MALRD1: variants seen among roughly 807,000 people sequenced by gnomAD.
The protein encoded by MALRD1 is MAM and LDL-receptor class A domain-containing protein 1.
A neutral mutation model predicts 242.1 loss-of-function variants in MALRD1; 247 were observed. The observed-to-expected ratio is 1.02, with a 90% CI of 0.92 to 1.13. The LOEUF (loss-of-function observed/expected upper bound fraction) is 1.13. Among genes scored for constraint, MALRD1 ranks in the 50% most tolerant of loss-of-function variants. The probability of loss-of-function intolerance (pLI) is 0.00; values close to 1 mark genes in which losing one functional copy is unlikely to be tolerated. For missense variants in MALRD1, 2,989 were observed against 2,533.1 expected, an observed-to-expected ratio of 1.18 and a Z score of -3.86; for synonymous variants, 995 against 866.6, an observed-to-expected ratio of 1.15 and a Z score of -2.60.
chr10:19,220,797 C>T (rs1394685764), intron 18 of MALRD1, among the ~76,000 whole-genome samples: 1 of 152,146 alleles, frequency 6.6e-6, no homozygotes, highest in Non-Finnish European at 1.5e-5. Flanking sequence ...GTATCAATGG[C>T]AGTCATAGAG....
At chr10:19,360,967 G>A (rs887879666) in intron 26 of MALRD1, among the ~76,000 whole-genome samples, 9 of 151,598 alleles carry the variant, frequency 5.9e-5, no homozygotes, top group Admixed American at 3.3e-4. Context: ...ATTATTACAC[G>A]AATTAACTAC....
chr10:19,645,491 G>A (rs563114023), intron 36 of MALRD1, among the ~76,000 whole-genome samples: 18 of 152,280 alleles, frequency 1.2e-4, no homozygotes, highest in South Asian at 6.2e-4. Context: ...ATGTCCAACA[G>A]TGATAGACTG....
chr10:19,300,721 A>C (rs902499397), intron 21 of MALRD1, among the ~76,000 whole-genome samples: 1 of 152,004 alleles, frequency 6.6e-6, no homozygotes, highest in South Asian at 2.1e-4. Context: ...AATGTGGATT[A>C]AAACACTTAA....
At chr10:19,476,808 A>G (rs926926303) in intron 29 of MALRD1, among the ~76,000 whole-genome samples, 4 of 152,222 alleles carry the variant, frequency 2.6e-5, no homozygotes, top group Non-Finnish European at 4.4e-5. Flanking sequence ...ATGTTCTCAC[A>G]CAATGAACAT....
At chr10:19,703,190 G>A (rs1833699729) in intron 38 of MALRD1, among the ~76,000 whole-genome samples, 1 of 152,212 alleles carries the variant, frequency 6.6e-6, no homozygotes, top group Admixed American at 6.5e-5. Context: ...GAATGAATGA[G>A]TGGGGCCTCA....
At chr10:19,345,297 C>T (rs758315085) in intron 24 of MALRD1, among the ~76,000 whole-genome samples, 1 of 152,104 alleles carries the variant, frequency 6.6e-6, no homozygotes, top group Non-Finnish European at 1.5e-5. Flanking sequence ...ACATTATTTT[C>T]TTGTACAAAT....
chr10:19,129,199 C>T (rs1278473465), intron 8 of MALRD1, among the ~76,000 whole-genome samples: 2 of 152,094 alleles, frequency 1.3e-5, no homozygotes, highest in African/African-American at 4.8e-5. Context: ...AGATGTCAAT[C>T]ACAAGCTTCC....
intron 36 of MALRD1, among the ~76,000 whole-genome samples, chr10:19,628,363 C>G (rs1295004237): frequency 6.6e-6 from 1 of 152,110 alleles, no homozygotes; most frequent in African/African-American, 2.4e-5. Context: ...ATATTGGCCT[C>G]AGCATTTTGC....
At chr10:19,509,120 C>T (rs1833280566) in intron 31 of MALRD1, among the ~76,000 whole-genome samples, 1 of 152,038 alleles carries the variant, frequency 6.6e-6, no homozygotes, top group Non-Finnish European at 1.5e-5. Flanking sequence ...AAAGTATATC[C>T]TAATAATTAA....
At chr10:19,134,225 C>A (rs1413383052) in intron 9 of MALRD1, among the ~76,000 whole-genome samples, 1 of 152,042 alleles carries the variant, frequency 6.6e-6, no homozygotes, top group Non-Finnish European at 1.5e-5. Flanking sequence ...ATGCTGTGCC[C>A]CAGGGAAACA....
chr10:19,552,193 A>G (rs1274168243), intron 32 of MALRD1, among the ~76,000 whole-genome samples: 1 of 152,148 alleles, frequency 6.6e-6, no homozygotes, highest in African/African-American at 2.4e-5. Context: ...TACATCTGGT[A>G]AAATTCAGCT....
At chr10:19,203,972 A>T in intron 15 of MALRD1, 92 bp downstream of exon 15, 1 of 1,394,696 alleles carries the variant, frequency 7.2e-7, no homozygotes. Context: ...TTCTGTGATA[A>T]CTACAACAAA....
intron 32 of MALRD1, among the ~76,000 whole-genome samples, chr10:19,547,811 TATATATA>T (rs1174382345): frequency 2.5e-4 from 4 of 16,096 alleles, no homozygotes; most frequent in African/African-American, 4.0e-4. Context: ...TATATATATA[TATATATA>T]TTTTTTTTTT....
intron 32 of MALRD1, among the ~76,000 whole-genome samples, chr10:19,535,557 A>G (rs988500996): frequency 5.3e-5 from 8 of 150,530 alleles, no homozygotes; most frequent in Non-Finnish European, 1.2e-4. Flanking sequence ...ATATACACAT[A>G]TGTACATATA....
At chr10:19,408,325 A>C (rs180767635) in intron 28 of MALRD1, among the ~76,000 whole-genome samples, 3 of 152,276 alleles carry the variant, frequency 2.0e-5, no homozygotes, top group Non-Finnish European at 4.4e-5. Flanking sequence ...TTCTATGGGC[A>C]TCTGGCTTGT....
intron 32 of MALRD1, among the ~76,000 whole-genome samples, chr10:19,541,621 A>G (rs1178211440): frequency 6.6e-6 from 1 of 152,210 alleles, no homozygotes; most frequent in Non-Finnish European, 1.5e-5. Context: ...TTAATCTAAT[A>G]TGTTTTACTG....
chr10:19,331,683 A>G, intron 24 of MALRD1, 101 bp downstream of exon 24: 1 of 881,562 alleles, frequency 1.1e-6, no homozygotes, highest in Non-Finnish European at 1.8e-6. Context: ...TGTGTATCTC[A>G]ACACCAGGGG....
intron 31 of MALRD1, among the ~76,000 whole-genome samples, chr10:19,505,075 G>A (rs1838146933): frequency 6.6e-6 from 1 of 152,130 alleles, no homozygotes; most frequent in South Asian, 2.1e-4. Flanking sequence ...AGCTGGGGCA[G>A]AAAAAGAAGG....
At chr10:19,224,590 C>A (rs1837706689) in intron 18 of MALRD1, among the ~76,000 whole-genome samples, 1 of 152,140 alleles carries the variant, frequency 6.6e-6, no homozygotes, top group African/African-American at 2.4e-5. Flanking sequence ...CACGCCCAGC[C>A]TATGATGAGC....
Sources: gnomAD v4.1 joint callset for allele counts (sites outside exome capture counted in the v4.1 genomes callset) on GRCh38, gnomAD v4.1.1 for gene constraint, MANE v1.5 for transcripts, NCBI Gene and HGNC (gene_info 2026-07-23, HGNC 2026-07-21) for gene names.